Variants in SPOP observed in about 807,000 individuals in gnomAD.
SPOP encodes speckle-type POZ protein.
SPOP carries 11 observed loss-of-function variants against 45.6 expected under a neutral mutation model. That is an observed-to-expected ratio of 0.24 (90% CI 0.15 to 0.40). SPOP has a LOEUF of 0.40. SPOP is among the 10% of genes least tolerant of loss of function. The pLI is 1.00. For missense variants in SPOP, 152 were observed against 465.6 expected, an observed-to-expected ratio of 0.33 and a Z score of 6.20; for synonymous variants, 166 against 166.3, an observed-to-expected ratio of 1.00 and a Z score of 0.01.
At chr17:49,657,387 A>G (rs1400570685) in intron 1 of SPOP, among the ~76,000 whole-genome samples, 6 of 152,070 alleles carry the variant, frequency 3.9e-5, no homozygotes, top group Non-Finnish European at 8.8e-5. Context: ...ATGTACAACG[A>G]TGTTCATCAC....
At chr17:49,652,924 G>T (rs1378375440) in intron 1 of SPOP, among the ~76,000 whole-genome samples, 2 of 152,126 alleles carry the variant, frequency 1.3e-5, no homozygotes, top group Non-Finnish European at 2.9e-5. Flanking sequence ...TCTTACAAAG[G>T]TCAGCATTTT....
chr17:49,624,331 G>GCGCACACACACACACA (rs71352523), intron 1 of SPOP, among the ~76,000 whole-genome samples: 22 of 149,306 alleles, frequency 1.5e-4, no homozygotes, highest in African/African-American at 5.0e-4. Context: ...GCGCGCGCGC[G>GCGCACACACACACACA]CACACACACA....
Position 49,619,077 on chromosome 17 carries a change from G to C in SPOP, c.384C>G (p.Gly128=), listed in dbSNP as rs1464021387. 1.9e-6 allele frequency: 3 copies of C among 1,614,062 alleles called. No individual in the cohort carries two copies. The highest frequency in any genetic ancestry group is 2.5e-6 in the Non-Finnish European group (3 of 1,180,020). The change falls in exon 5 of 10, where the codon GGC becomes GGG. Residue 128 remains glycine (G), a synonymous_variant. Transcript: ENST00000504102. The surrounding 1 kb of genome is among the most constrained non-coding windows in gnomAD (Gnocchi z 4.9). ...TGAATTTCTTGAATCCCCAGTCTTT[G>C]CCTTGCACAAACCTATATGCCCGTT... ...ESQRAYRFVQ[G]KDWGFKKFIR...
At chr17:49,654,680 G>C (rs2072884664) in intron 1 of SPOP, among the ~76,000 whole-genome samples, 1 of 152,156 alleles carries the variant, frequency 6.6e-6, no homozygotes, top group Non-Finnish European at 1.5e-5. Context: ...AGCTACTCAG[G>C]AGGCTGAGGC....
At position 49,627,891 on chromosome 17, in the gene SPOP, CT is replaced by C. The variant is rs1308417253; in HGVS notation, c.-66-5016del. ...AATCTGTCTCAGACTCTGAGGAGCT[CT>C]TAACCAAACAACCTGCTGGAAAGGA... On this transcript the variant is annotated intron_variant, in intron 1 of 9. Transcript: ENST00000504102. 4.6e-5 allele frequency among the ~76,000 whole-genome samples: 7 copies of C among 152,308 alleles called. No homozygotes were observed. In the South Asian group the frequency reaches 8.3e-4, roughly 18 times the overall value.
intron 1 of SPOP, among the ~76,000 whole-genome samples, chr17:49,655,240 A>G (rs1458236683): frequency 1.3e-5 from 2 of 152,320 alleles, no homozygotes; most frequent in Non-Finnish European, 1.5e-5. Context: ...TGCCGGGCGC[A>G]GTGGCTTACT....
At chr17:49,639,089 A>G (rs1026510116) in intron 1 of SPOP, among the ~76,000 whole-genome samples, 1 of 152,260 alleles carries the variant, frequency 6.6e-6, no homozygotes, top group African/African-American at 2.4e-5. Flanking sequence ...AAAGAGACAG[A>G]CAAGGTTCCC....
intron 8 of SPOP, among the ~76,000 whole-genome samples, chr17:49,604,127 T>G (rs1443147221): frequency 6.6e-6 from 1 of 152,200 alleles, no homozygotes; most frequent in African/African-American, 2.4e-5. Flanking sequence ...AGTGACCACT[T>G]CCTTAAAAAT....
chr17:49,654,428 C>T (rs1342594935), intron 1 of SPOP, among the ~76,000 whole-genome samples: 3 of 152,166 alleles, frequency 2.0e-5, no homozygotes, highest in Non-Finnish European at 2.9e-5. Context: ...CAATGTCTGG[C>T]ATGTAGTAGA....
chr17:49,614,802 AGTGTGTGT>A (rs60134980), intron 5 of SPOP, among the ~76,000 whole-genome samples: 5,919 of 147,018 alleles, frequency 0.04, 158 homozygotes, highest in African/African-American at 0.067. Context: ...CATGCTATGA[AGTGTGTGT>A]GTGTGTGTGT....
In SPOP at chr17:49,621,929, G is replaced by C; in HGVS notation, c.200+17C>G. The C allele has an allele frequency of 2.5e-6, 4 of 1,612,238 alleles. No homozygotes were observed. Among genetic ancestry groups the C allele is most frequent in the Non-Finnish European group, 3.4e-6 (4 of 1,178,888 alleles). On this transcript the variant is annotated intron_variant, in intron 3 of 9. Transcript: ENST00000504102. Reference sequence around the variant, plus strand: ...AACTTCAGAAAAATTTTTACAGTTAGACGTATTCTTCCTCACCATTTCAGT... The same window carrying C: ...AACTTCAGAAAAATTTTTACAGTTACACGTATTCTTCCTCACCATTTCAGT...
chr17:49,663,370 C>T (rs940921577), intron 1 of SPOP, among the ~76,000 whole-genome samples: 6 of 152,244 alleles, frequency 3.9e-5, no homozygotes, highest in Admixed American at 6.5e-5. Context: ...CTGTCCTCCA[C>T]AAAACCAGTC....
At chr17:49,621,066 C>A (rs1325636911) in intron 3 of SPOP, among the ~76,000 whole-genome samples, 2 of 152,160 alleles carry the variant, frequency 1.3e-5, no homozygotes, top group African/African-American at 4.8e-5. Flanking sequence ...TTGGTCTTTG[C>A]AGTGGGTATA....
rs2072240971 is a variant in SPOP, at chr17:49,622,544, A to G, written c.78+189T>C. ...CTTTCAACCTCCACTGAAAAACACT[A>G]GCCTAGGGAATTTAGATTCCACATG... On this transcript the variant is annotated intron_variant, in intron 2 of 9. Transcript: ENST00000504102. The G allele has an allele frequency of 1.0e-5, 6 of 600,262 alleles. No homozygotes were observed. The South Asian group carries it at 1.2e-4, about 12-fold the overall frequency. 37.2% of individuals were successfully genotyped at this position (600,262 alleles called of 1,614,324 possible).
At chr17:49,627,424 A>T (rs2072356844) in intron 1 of SPOP, among the ~76,000 whole-genome samples, 1 of 152,222 alleles carries the variant, frequency 6.6e-6, no homozygotes, top group Non-Finnish European at 1.5e-5. Context: ...AATCCCAATT[A>T]TCATTAATGG....
chr17:49,672,180 T>C (rs1204937195), intron 1 of SPOP, among the ~76,000 whole-genome samples: 2 of 151,932 alleles, frequency 1.3e-5, no homozygotes, highest in African/African-American at 4.8e-5. Flanking sequence ...ATGAGGAAAA[T>C]CCTTACAGAA....
intron 1 of SPOP, among the ~76,000 whole-genome samples, chr17:49,668,978 G>A (rs898074945): frequency 4.0e-5 from 6 of 150,032 alleles, no homozygotes; most frequent in African/African-American, 9.8e-5. Context: ...GGGTTTCACC[G>A]CGTTAGCCAG....
chr17:49,639,821 G>A (rs1323539803), intron 1 of SPOP, among the ~76,000 whole-genome samples: 3 of 152,148 alleles, frequency 2.0e-5, no homozygotes, highest in Non-Finnish European at 4.4e-5. Context: ...GAAGGGAGAC[G>A]CAGCAGGCTT....
intron 8 of SPOP, chr17:49,606,934 T>G (rs1165021451): frequency 3.8e-6 from 1 of 260,142 alleles, no homozygotes; most frequent in African/African-American, 2.2e-5. Context: ...ACAATCCAAA[T>G]GTTAGTATTA....
Sources: gnomAD v4.1 joint callset for allele counts (sites outside exome capture counted in the v4.1 genomes callset) on GRCh38, gnomAD v4.1.1 for gene constraint, Gnocchi (gnomAD v3.1) non-coding constraint, MANE v1.5 for transcripts, NCBI Gene and HGNC (gene_info 2026-07-23, HGNC 2026-07-21) for gene names.